The following NHSL1 variants were observed in gnomAD, a reference collection of about 807,000 sequenced individuals.
NHSL1 encodes NHS-like protein 1.
Under a neutral mutation model 95.0 loss-of-function variants are expected in NHSL1, and 48 were observed. The observed-to-expected ratio is 0.51, with a 90% CI of 0.40 to 0.64. The LOEUF is 0.64. NHSL1 is among the 30% of genes least tolerant of loss of function. NHSL1 has a pLI of 0.00. For missense variants in NHSL1, 1,971 were observed against 2,077.7 expected (o/e 0.95, Z 1.00); for synonymous variants, 783 against 833.9 (o/e 0.94, Z 1.05).
At chr6:138,486,440 T>C (rs6937832) in intron 2 of NHSL1, among the ~76,000 whole-genome samples, 20,161 of 152,064 alleles carry the variant, frequency 0.13, 1,898 homozygotes, top group African/African-American at 0.27. Flanking sequence ...ACCGATTCAA[T>C]AGCCTTTTCT....
intron 1 of NHSL1, among the ~76,000 whole-genome samples, chr6:138,538,422 A>G (rs1782446852): frequency 6.6e-6 from 1 of 152,146 alleles, no homozygotes; most frequent in Non-Finnish European, 1.5e-5. Flanking sequence ...AGTGTCTGGT[A>G]TAACCCAGTT....
chr6:138,639,113 G>C (rs1784926674), intron 1 of NHSL1, among the ~76,000 whole-genome samples: 1 of 152,112 alleles, frequency 6.6e-6, no homozygotes, highest in Non-Finnish European at 1.5e-5. Flanking sequence ...CATAGTATTA[G>C]GAATCAAGAA....
chr6:138,575,028 T>A (rs970090355), upstream of NHSL1, among the ~76,000 whole-genome samples: 14 of 152,148 alleles, frequency 9.2e-5, no homozygotes, highest in East Asian at 2.1e-3. Flanking sequence ...GCCTCCCGAG[T>A]AGCTAGGATT....
At chr6:138,464,716 T>TA (rs1168719457) in intron 3 of NHSL1, among the ~76,000 whole-genome samples, 49 of 84,290 alleles carry the variant, frequency 5.8e-4, no homozygotes, top group African/African-American at 3.1e-3. Context: ...TTTTCTTTTC[T>TA]TTTTTTTTTT....
chr6:138,466,053 A>AGGGGG (rs1778357937), intron 3 of NHSL1, among the ~76,000 whole-genome samples: 2 of 111,788 alleles, frequency 1.8e-5, no homozygotes, highest in African/African-American at 7.1e-5. Context: ...GGGGGGGGGC[A>AGGGGG]GGGGGGAACA....
intron 1 of NHSL1, among the ~76,000 whole-genome samples, 184 bp from the exon 2 acceptor site, chr6:138,496,555 A>C (rs978302510): frequency 6.6e-6 from 1 of 152,196 alleles, no homozygotes; most frequent in African/African-American, 2.4e-5. Context: ...TTTTACTTAT[A>C]AAAGAAAAGC....
At chr6:138,690,127 C>T (rs926675354) in intron 1 of NHSL1, among the ~76,000 whole-genome samples, 5 of 152,196 alleles carry the variant, frequency 3.3e-5, no homozygotes, top group Non-Finnish European at 7.3e-5. Context: ...ATGGCCTTTA[C>T]GGTCAATTCC....
At chr6:138,440,633 C>A (rs1018061080) in intron 5 of NHSL1, among the ~76,000 whole-genome samples, 1 of 152,242 alleles carries the variant, frequency 6.6e-6, no homozygotes, top group African/African-American at 2.4e-5. Context: ...ATATATACTA[C>A]AAAAGTGGAT....
intron 1 of NHSL1, among the ~76,000 whole-genome samples, chr6:138,518,255 A>G (rs1393425043): frequency 6.6e-6 from 1 of 152,182 alleles, no homozygotes; most frequent in Non-Finnish European, 1.5e-5. Flanking sequence ...CTTTGACTCA[A>G]ATTGTATCAG....
upstream of NHSL1, among the ~76,000 whole-genome samples, chr6:138,550,176 T>G (rs1583397455): frequency 6.6e-6 from 1 of 151,886 alleles, no homozygotes; most frequent in East Asian, 1.9e-4. Flanking sequence ...GAGGCGGAGG[T>G]TGCAGTGAGC....
At chr6:138,639,160 G>C (rs1026112213) in intron 1 of NHSL1, among the ~76,000 whole-genome samples, 17 of 152,162 alleles carry the variant, frequency 1.1e-4, no homozygotes, top group Admixed American at 1.1e-3. Context: ...GAGCCATCTG[G>C]AAGCACTGTC....
chr6:138,595,163 T>G (rs1784287082), intron 1 of NHSL1, among the ~76,000 whole-genome samples: 1 of 152,218 alleles, frequency 6.6e-6, no homozygotes, highest in Non-Finnish European at 1.5e-5. Flanking sequence ...AAAAAGTGAT[T>G]TTTTGAAAAC....
chr6:138,509,604 G>C lies in NHSL1; in HGVS notation c.17-13233C>G, dbSNP rs75483640. Among the ~76,000 whole-genome samples the C allele has an allele frequency of 6.1e-3, 935 of 152,230 alleles. 22 individuals carry two copies. Among genetic ancestry groups the C allele is most frequent in the Admixed American group, 0.047 (723 of 15,284 alleles). On this transcript the variant is annotated intron_variant, in intron 1 of 4. Transcript: ENST00000342260. ...ACACCATGACACTCAACGACACACT[G>C]GTGCATGAAAATGATTCCCTCAGCT...
At chr6:138,632,745 T>C (rs762213278) in intron 1 of NHSL1, among the ~76,000 whole-genome samples, 5 of 152,138 alleles carry the variant, frequency 3.3e-5, no homozygotes, top group Admixed American at 2.0e-4. Flanking sequence ...GAAGCATTGG[T>C]ACATCAAGCC....
chr6:138,426,968 T>C (rs918362268), intron 7 of NHSL1, among the ~76,000 whole-genome samples: 1 of 152,144 alleles, frequency 6.6e-6, no homozygotes, highest in Non-Finnish European at 1.5e-5. Context: ...TCCAACCACT[T>C]TGGGTTTCAG....
At chr6:138,655,770 C>G (rs909450472) in intron 1 of NHSL1, among the ~76,000 whole-genome samples, 6 of 152,142 alleles carry the variant, frequency 3.9e-5, no homozygotes, top group Non-Finnish European at 2.9e-5. Context: ...CAAATAAAAT[C>G]AACAAAATAA....
chr6:138,633,483 G>A (rs369256369), intron 1 of NHSL1, among the ~76,000 whole-genome samples: 5 of 152,230 alleles, frequency 3.3e-5, no homozygotes, highest in African/African-American at 1.2e-4. Flanking sequence ...ACATCTGGCA[G>A]TGGACTTTTC....
At chr6:138,567,881 C>T (rs1783679294) in intron 1 of NHSL1, among the ~76,000 whole-genome samples, 1 of 152,140 alleles carries the variant, frequency 6.6e-6, no homozygotes, top group Non-Finnish European at 1.5e-5. Context: ...CAATTACCTT[C>T]TCTATCTGCT....
intron 1 of NHSL1, among the ~76,000 whole-genome samples, chr6:138,610,525 A>C (rs952849562): frequency 1.4e-5 from 2 of 145,190 alleles, no homozygotes; most frequent in Admixed American, 1.4e-4. Flanking sequence ...TGTACCCTAG[A>C]ACTAAAAGTA....
Sources: gnomAD v4.1 joint callset for allele counts (sites outside exome capture counted in the v4.1 genomes callset) on GRCh38, gnomAD v4.1.1 for gene constraint, MANE v1.5 for transcripts, NCBI Gene and HGNC (gene_info 2026-07-23, HGNC 2026-07-21) for gene names.